Variants in MGA observed in about 807,000 individuals in gnomAD.
MGA encodes MAX gene-associated protein.
A neutral mutation model predicts 261.1 loss-of-function variants in MGA; 40 were observed. The ratio of observed to expected loss-of-function variants is 0.15; its 90% confidence interval spans 0.12 to 0.20. The LOEUF (loss-of-function observed/expected upper bound fraction) is 0.20, where lower values mean the gene tolerates loss of function less well. MGA is among the 10% of genes least tolerant of loss of function. The pLI, the probability that MGA is intolerant of heterozygous loss-of-function variation, is 1.00. For missense variants in MGA, 3,397 were observed against 3,630.5 expected (o/e 0.94, Z 1.65); for synonymous variants, 1,302 against 1,290.6 (o/e 1.01, Z -0.19).
At chr15:41,664,078 G>T (rs2057580263) in intron 1 of MGA, among the ~76,000 whole-genome samples, 1 of 152,118 alleles carries the variant, frequency 6.6e-6, no homozygotes, top group African/African-American at 2.4e-5. Context: ...CATAAATTAA[G>T]TCTTTAATTC....
At chr15:41,630,043 C>T (rs915120555) in intron 1 of MGA, among the ~76,000 whole-genome samples, 1 of 152,168 alleles carries the variant, frequency 6.6e-6, no homozygotes, top group African/African-American at 2.4e-5. Context: ...CATAAACCCC[C>T]AGACTTCTTC....
chr15:41,736,139 TA>T (rs2151792133), intron 12 of MGA, 41 bp from the exon 13 acceptor site: 1 of 1,417,702 alleles, frequency 7.1e-7, no homozygotes, highest in South Asian at 1.6e-5. Context: ...GATGCAGAAA[TA>T]ATCTTTCAAC....
Position 41,710,997 on chromosome 15 carries a change from C to A in MGA, c.2732C>A (p.Thr911Asn), listed in dbSNP as rs754449190. The A allele has an allele frequency of 6.2e-7, 1 of 1,614,000 alleles. No individual in the cohort carries two copies. The highest frequency in any genetic ancestry group is 1.7e-5 in the Admixed American group (1 of 60,030). ...AGACAGGCAACTTTCAGTGGCCGAACTAAATCATCTTATAAATCCATTTTA... is the reference window on the plus strand; with the variant it reads ...AGACAGGCAACTTTCAGTGGCCGAAATAAATCATCTTATAAATCCATTTTA... The change falls in exon 8 of 24, where the codon ACT becomes AAT. Residue 911 changes from threonine (T) to asparagine (N), a missense_variant. Physicochemically the swap from Thr to Asn is moderately conservative, Grantham distance 65. Coordinates refer to ENST00000219905, the MANE Select transcript of MGA (RefSeq NM_001164273.2).
At chr15:41,716,894 A>G (rs968920221) in intron 9 of MGA, among the ~76,000 whole-genome samples, 2 of 151,790 alleles carry the variant, frequency 1.3e-5, no homozygotes, top group African/African-American at 4.8e-5. Context: ...TTTTTTTGTC[A>G]TTGTAACAGA....
intron 13 of MGA, among the ~76,000 whole-genome samples, chr15:41,739,196 G>C (rs2061956249): frequency 6.6e-6 from 1 of 152,078 alleles, no homozygotes; most frequent in Non-Finnish European, 1.5e-5. Flanking sequence ...TGGGCAGTCT[G>C]ATAAACTCAG....
chr15:41,716,701 G>A (rs917576500), intron 9 of MGA, among the ~76,000 whole-genome samples: 1 of 152,116 alleles, frequency 6.6e-6, no homozygotes, highest in African/African-American at 2.4e-5. Flanking sequence ...GAATGATTGA[G>A]TGTAACCACT....
intron 18 of MGA, among the ~76,000 whole-genome samples, chr15:41,756,366 C>T (rs993730060): frequency 2.0e-5 from 3 of 152,184 alleles, no homozygotes; most frequent in Non-Finnish European, 4.4e-5. Context: ...ACCACAGTGA[C>T]TTTACCAATT....
chr15:41,697,392 T>C (rs999040542), intron 3 of MGA, among the ~76,000 whole-genome samples: 2 of 151,318 alleles, frequency 1.3e-5, no homozygotes, highest in Non-Finnish European at 2.9e-5. Context: ...TTCTTTTACC[T>C]CCTGGTTTTC....
intron 2 of MGA, among the ~76,000 whole-genome samples, chr15:41,686,004 CAAA>C (rs34711774): frequency 7.7e-6 from 1 of 129,084 alleles, no homozygotes; most frequent in Non-Finnish European, 1.6e-5. Context: ...GACTCTGTCT[CAAA>C]AAAAAAAAAA....
intron 1 of MGA, among the ~76,000 whole-genome samples, chr15:41,643,602 A>G (rs2150651272): frequency 6.6e-6 from 1 of 152,036 alleles, no homozygotes; most frequent in East Asian, 1.9e-4. Context: ...TTTATATTCT[A>G]AATATTAGTC....
At chr15:41,755,048 G>T (rs1162592545) in intron 18 of MGA, among the ~76,000 whole-genome samples, 3 of 152,180 alleles carry the variant, frequency 2.0e-5, no homozygotes, top group African/African-American at 7.2e-5. Flanking sequence ...TAGTTGAACA[G>T]GTGAGATACA....
Position 41,748,693 on chromosome 15 carries a change from C to T in MGA, c.5269C>T (p.Arg1757Cys), listed in dbSNP as rs753360563. 4 of 1,613,952 alleles carry T rather than the reference C, an allele frequency of 2.5e-6. No individual in the cohort carries two copies. Among genetic ancestry groups the T allele is most frequent in the Non-Finnish European group, 3.4e-6 (4 of 1,179,894 alleles). Residue 1757 changes from arginine (R) to cysteine (C), a missense_variant, in exon 16 of 24, where the codon CGT (arginine) becomes TGT (cysteine). Arg to Cys is a radical substitution (Grantham distance 180). This residue lies in a region of MGA where 1,410 missense variants were observed against 1,386.4 expected (regional missense o/e 1.02). Coordinates refer to ENST00000219905, the MANE Select transcript of MGA (RefSeq NM_001164273.2). ...ACAGGTCTCTCCTAACACAGTGAAA[C>T]GTGCTGGACCTCGATTGTTGTTGAT...
At chr15:41,650,639 T>C (rs886648464) in intron 1 of MGA, among the ~76,000 whole-genome samples, 1 of 152,142 alleles carries the variant, frequency 6.6e-6, no homozygotes, top group Non-Finnish European at 1.5e-5. Context: ...GGTTTCACCA[T>C]GTTGGCCAGG....
At chr15:41,745,587 A>C (rs978897143) in intron 15 of MGA, among the ~76,000 whole-genome samples, 1 of 150,980 alleles carries the variant, frequency 6.6e-6, no homozygotes, top group African/African-American at 2.4e-5. Context: ...ATGTATTTTT[A>C]TTTAAAAAAA....
chr15:41,676,612 T>G (rs1334841447), intron 2 of MGA, among the ~76,000 whole-genome samples: 2 of 152,194 alleles, frequency 1.3e-5, no homozygotes, highest in Non-Finnish European at 2.9e-5. Context: ...TGTATTAGTA[T>G]CTATAAGATG....
intron 14 of MGA, among the ~76,000 whole-genome samples, chr15:41,742,279 T>G (rs2062155043): frequency 6.6e-6 from 1 of 151,696 alleles, no homozygotes; most frequent in African/African-American, 2.4e-5. Flanking sequence ...TCCCAGCTAC[T>G]CGGGAAGGCT....
At position 41,750,483 on chromosome 15, in the gene MGA, C is replaced by T. The variant is rs1214204490; in HGVS notation, c.6876C>T (p.Ser2292=). The T allele has an allele frequency of 6.2e-7, 1 of 1,613,934 alleles. No individual in the cohort carries two copies. Among genetic ancestry groups the T allele is most frequent in the East Asian group, 2.2e-5 (1 of 44,880 alleles). Residue 2292 remains serine (S), a synonymous_variant, in exon 17 of 24, where the codon AGC becomes AGT. Transcript: ENST00000219905. Reference sequence around the variant, plus strand: ...AGCAAGAGAAGAAGGGTGGGAGAAGCAGTGCTGACTTCACTGTTTTGGATT... The same window carrying T: ...AGCAAGAGAAGAAGGGTGGGAGAAGTAGTGCTGACTTCACTGTTTTGGATT...
At chr15:41,704,735 A>C (rs1044139600) in intron 5 of MGA, among the ~76,000 whole-genome samples, 1 of 152,214 alleles carries the variant, frequency 6.6e-6, no homozygotes, top group Non-Finnish European at 1.5e-5. Context: ...TTCTGTGTTT[A>C]CTACTTATAT....
chr15:41,670,689 G>A (rs1204341921), intron 2 of MGA, among the ~76,000 whole-genome samples: 1 of 152,072 alleles, frequency 6.6e-6, no homozygotes, highest in Non-Finnish European at 1.5e-5. Flanking sequence ...TATATTTTTG[G>A]TAGAGACAGG....
Sources: gnomAD v4.1 joint callset for allele counts (sites outside exome capture counted in the v4.1 genomes callset) on GRCh38, gnomAD v4.1.1 for gene constraint, gnomAD v4.1.1 regional missense constraint, MANE v1.5 for transcripts, NCBI Gene and HGNC (gene_info 2026-07-23, HGNC 2026-07-21) for gene names.